The following FHOD3 variants were observed in gnomAD, a reference collection of about 807,000 sequenced individuals.
FHOD3 encodes formin homology 2 domain containing 3, also known as FH1/FH2 domain-containing protein 3.
FHOD3 carries 90 observed loss-of-function variants against 173.0 expected under a neutral mutation model. The observed-to-expected ratio is 0.52, with a 90% CI of 0.44 to 0.62. The LOEUF (loss-of-function observed/expected upper bound fraction) is 0.62. FHOD3 is among the 20% of genes least tolerant of loss of function. FHOD3 has a pLI of 0.00. For missense variants in FHOD3, 1,945 were observed against 2,034.7 expected (o/e 0.96, Z 0.85); for synonymous variants, 828 against 823.0 (o/e 1.01, Z -0.10).
intron 25 of FHOD3, among the ~76,000 whole-genome samples, chr18:36,755,761 A>G (rs1394752857): frequency 6.6e-6 from 1 of 152,230 alleles, no homozygotes; most frequent in African/African-American, 2.4e-5. Flanking sequence ...CAGTTGACAC[A>G]TGGACCACCC....
chr18:36,651,854 C>T (rs2036077144), intron 11 of FHOD3, among the ~76,000 whole-genome samples: 1 of 152,142 alleles, frequency 6.6e-6, no homozygotes, highest in African/African-American at 2.4e-5. Flanking sequence ...TATCACCTCC[C>T]ATAGTTACTG....
At chr18:36,389,127 T>G (rs1251354928) in intron 3 of FHOD3, among the ~76,000 whole-genome samples, 2 of 152,176 alleles carry the variant, frequency 1.3e-5, no homozygotes, top group Admixed American at 6.5e-5. Context: ...AATGTGTAGA[T>G]GACATCTTGC....
intron 28 of FHOD3, among the ~76,000 whole-genome samples, chr18:36,772,438 C>T (rs1042801166): frequency 6.6e-6 from 1 of 152,186 alleles, no homozygotes; most frequent in African/African-American, 2.4e-5. Flanking sequence ...GGCAATGAGG[C>T]AAGTGGATAA....
In FHOD3 at chr18:36,339,649, AGGGGCCTG is replaced by A. The variant is rs541594673; in HGVS notation, c.166-15887_166-15880del. On this transcript the variant is annotated intron_variant, in intron 1 of 28. Coordinates refer to ENST00000590592, the MANE Select transcript of FHOD3 (RefSeq NM_001281740.3). Reference sequence around the variant, plus strand: ...GGACTTCTGCTGCTCTTTGCCCAGCAGGGGCCTGGGTGCAGGTGCAGAGAGAGTTGGGG... The same window carrying A: ...GGACTTCTGCTGCTCTTTGCCCAGCAGGTGCAGGTGCAGAGAGAGTTGGGG... Among the ~76,000 whole-genome samples, 13 of 152,278 alleles carry A rather than the reference AGGGGCCTG, an allele frequency of 8.5e-5. No individual in the cohort carries two copies. In the South Asian group the frequency reaches 2.7e-3, roughly 32 times the overall value.
intron 3 of FHOD3, among the ~76,000 whole-genome samples, chr18:36,472,311 T>G (rs1233407245): frequency 6.6e-6 from 1 of 152,246 alleles, no homozygotes; most frequent in African/African-American, 2.4e-5. Flanking sequence ...AGAATACTCC[T>G]GTGTCATCCC....
At chr18:36,684,649 A>C (rs1031296536) in intron 15 of FHOD3, among the ~76,000 whole-genome samples, 1 of 152,214 alleles carries the variant, frequency 6.6e-6, no homozygotes, top group Non-Finnish European at 1.5e-5. Context: ...AACAACAGAA[A>C]TTTTCCTACC....
chr18:36,405,254 T>G (rs1486780160), intron 3 of FHOD3, among the ~76,000 whole-genome samples: 1 of 152,248 alleles, frequency 6.6e-6, no homozygotes, highest in African/African-American at 2.4e-5. Flanking sequence ...TGTGCATCTG[T>G]AAGATGGGCC....
In FHOD3 at chr18:36,362,034, A is replaced by G. The variant is rs375320381; in HGVS notation, c.272+6389A>G. Reference sequence around the variant, plus strand: ...AATCAAAGGTTCTAAATGCCTTTAAATGCAAGGATGTATGAGGGTAAAGAT... The same window carrying G: ...AATCAAAGGTTCTAAATGCCTTTAAGTGCAAGGATGTATGAGGGTAAAGAT... On this transcript the variant is annotated intron_variant, in intron 2 of 28. Transcript: ENST00000590592. Among the ~76,000 whole-genome samples, 354 of 152,368 alleles carry G rather than the reference A, an allele frequency of 2.3e-3. 3 individuals carry two copies. The highest frequency in any genetic ancestry group is 8.1e-3 in the African/African-American group (337 of 41,586).
chr18:36,699,790 G>A (rs1568628585), intron 17 of FHOD3, among the ~76,000 whole-genome samples: 1 of 152,210 alleles, frequency 6.6e-6, no homozygotes, highest in Admixed American at 6.5e-5. Flanking sequence ...TCTGGGTTCA[G>A]TGACCATGCA....
chr18:36,733,698 G>T (rs2041486041), intron 20 of FHOD3, among the ~76,000 whole-genome samples: 1 of 152,192 alleles, frequency 6.6e-6, no homozygotes, highest in Admixed American at 6.5e-5. Flanking sequence ...AATAATTACA[G>T]CTATGACGCT....
intron 15 of FHOD3, among the ~76,000 whole-genome samples, chr18:36,685,438 A>G (rs573022724): frequency 1.4e-4 from 22 of 152,300 alleles, no homozygotes; most frequent in African/African-American, 4.6e-4. Context: ...CAAATGACTG[A>G]CCTTTTATCA....
intron 8 of FHOD3, among the ~76,000 whole-genome samples, chr18:36,608,376 C>A (rs1373368730): frequency 6.6e-6 from 1 of 152,192 alleles, no homozygotes; most frequent in African/African-American, 2.4e-5. Flanking sequence ...TACCAGGAAA[C>A]TACTCCTACA....
At position 36,507,835 on chromosome 18, in the gene FHOD3, C is replaced by T. The variant is rs574997700; in HGVS notation, c.406-4603C>T. ...CCAACTGCAGTTGGGCTAGACTCTT[C>T]TTATGCCAGCAGAAGGCCATGCTCA... On this transcript the variant is annotated intron_variant, in intron 4 of 28. Transcript: ENST00000590592. Among the ~76,000 whole-genome samples, 177 of 152,270 alleles carry T rather than the reference C, an allele frequency of 1.2e-3. 1 individual carries two copies. The highest frequency in any genetic ancestry group is 7.7e-3 in the South Asian group (37 of 4,830).
chr18:36,388,241 GA>G (rs139788457), intron 3 of FHOD3, among the ~76,000 whole-genome samples: 1,580 of 152,086 alleles, frequency 0.01, 18 homozygotes, highest in Non-Finnish European at 0.017. Flanking sequence ...TTCTTAAATT[GA>G]ACCAGACACA....
At chr18:36,441,434 G>C (rs869458) in intron 3 of FHOD3, among the ~76,000 whole-genome samples, 80,069 of 151,990 alleles carry the variant, frequency 0.53, 21,274 homozygotes, top group South Asian at 0.55. Context: ...GGATGAGGAC[G>C]AGGCTGAAGC....
intron 5 of FHOD3, among the ~76,000 whole-genome samples, chr18:36,535,339 G>C (rs904212976): frequency 2.0e-5 from 3 of 152,180 alleles, no homozygotes; most frequent in Non-Finnish European, 4.4e-5. Context: ...AGCCCATGCT[G>C]GTATCCCAAG....
At chr18:36,657,306 G>T (rs2036491736) in intron 13 of FHOD3, among the ~76,000 whole-genome samples, 1 of 152,224 alleles carries the variant, frequency 6.6e-6, no homozygotes, top group Non-Finnish European at 1.5e-5. Flanking sequence ...CCATGCAAGG[G>T]CATCAAATAA....
intron 3 of FHOD3, among the ~76,000 whole-genome samples, chr18:36,418,464 G>C (rs1311042046): frequency 2.6e-5 from 4 of 152,194 alleles, no homozygotes; most frequent in African/African-American, 4.8e-5. Context: ...TTAAGAATTA[G>C]ATTGTTTAAG....
At chr18:36,410,238 T>C (rs59634391) in intron 3 of FHOD3, among the ~76,000 whole-genome samples, 42,308 of 152,114 alleles carry the variant, frequency 0.28, 6,689 homozygotes, top group East Asian at 0.67. Flanking sequence ...CTATTCTAGA[T>C]ATTTCATTTT....
Sources: gnomAD v4.1 joint callset for allele counts (sites outside exome capture counted in the v4.1 genomes callset) on GRCh38, gnomAD v4.1.1 for gene constraint, MANE v1.5 for transcripts, NCBI Gene and HGNC (gene_info 2026-07-23, HGNC 2026-07-21) for gene names.